The following TMEM132C variants were observed in gnomAD, a reference collection of about 807,000 sequenced individuals.
TMEM132C encodes protein phosphatase 1, regulatory subunit 152.
A neutral mutation model predicts 61.4 loss-of-function variants in TMEM132C; 29 were observed. That is an observed-to-expected ratio of 0.47 (90% CI 0.35 to 0.64). TMEM132C has a LOEUF of 0.64. Ranked by LOEUF, TMEM132C falls within the 30% of genes least tolerant of loss-of-function variation. The probability of loss-of-function intolerance (pLI) is 0.00; values close to 1 mark genes in which losing one functional copy is unlikely to be tolerated. For synonymous variants in TMEM132C, 656 were observed against 633.1 expected (o/e 1.04, Z -0.54); for missense variants, 1,408 against 1,476.9 (o/e 0.95, Z 0.76).
intron 1 of TMEM132C, among the ~76,000 whole-genome samples, chr12:128,286,212 C>T (rs1871066184): frequency 6.6e-6 from 1 of 152,158 alleles, no homozygotes; most frequent in Non-Finnish European, 1.5e-5. Context: ...TCTGAGAGCT[C>T]CTGGACTTCA....
intron 3 of TMEM132C, among the ~76,000 whole-genome samples, chr12:128,565,615 C>T (rs1874667869): frequency 6.6e-6 from 1 of 152,044 alleles, no homozygotes; most frequent in Non-Finnish European, 1.5e-5. Context: ...TCACAATAAA[C>T]CTTTGAGAGC....
intron 1 of TMEM132C, among the ~76,000 whole-genome samples, chr12:128,324,022 A>C (rs1423298953): frequency 6.6e-6 from 1 of 152,228 alleles, no homozygotes; most frequent in African/African-American, 2.4e-5. Context: ...ATAAAGGGAC[A>C]GATCTCAGTA....
rs142810498 is a variant in TMEM132C at position 128,499,583 on chromosome 12, C to T, written c.975-44374C>T. Among the ~76,000 whole-genome samples the T allele has an allele frequency of 6.6e-4, 100 of 152,306 alleles. 1 individual carries two copies. The highest frequency in any genetic ancestry group is 2.2e-3 in the African/African-American group (93 of 41,570). ...TTAGCCTCTGACAACCATCGTTCTA[C>T]TCTCTGTCTCTGTAAGTTCATTTTT... is the stretch of plus-strand genomic sequence containing the variant. On this transcript the variant is annotated intron_variant, in intron 2 of 8. Transcript: ENST00000435159.
Position 128,311,303 on chromosome 12 carries a change from C to T in TMEM132C, c.85+43816C>T, listed in dbSNP as rs528412888. On this transcript the variant is annotated intron_variant, in intron 1 of 8. Coordinates refer to ENST00000435159, the MANE Select transcript of TMEM132C (RefSeq NM_001136103.3). Reference sequence around the variant, plus strand: ...AGCTAAGCTGGATCCGAAGGTTGCACGCAGCCTCGCCTCACTTCTGTGACC... The same window carrying T: ...AGCTAAGCTGGATCCGAAGGTTGCATGCAGCCTCGCCTCACTTCTGTGACC... 7.9e-5 allele frequency among the ~76,000 whole-genome samples: 12 copies of T among 152,312 alleles called. No individual in the cohort carries two copies. The South Asian group carries it at 2.5e-3, about 32-fold the overall frequency.
In TMEM132C at chr12:128,570,541, C is replaced by CA. The variant is rs1035537542; in HGVS notation, c.1121+26439dup. ...ACTAGATTGCAGAGGCCTAACGAAA[C>CA]ACGGCTTTTTTTTTTCCTTTGACTC... On this transcript the variant is annotated intron_variant, in intron 3 of 8. Coordinates refer to ENST00000435159, the MANE Select transcript of TMEM132C (RefSeq NM_001136103.3). This position sits in a 1 kb window ranked among gnomAD's most constrained non-coding sequence, Gnocchi z 4.7. Among the ~76,000 whole-genome samples, 25 of 152,242 alleles carry CA rather than the reference C, an allele frequency of 1.6e-4. No individual in the cohort carries two copies. Among genetic ancestry groups the CA allele is most frequent in the African/African-American group, 5.8e-4 (24 of 41,542 alleles).
intron 1 of TMEM132C, among the ~76,000 whole-genome samples, chr12:128,329,448 G>A (rs1011636794): frequency 1.3e-5 from 2 of 152,182 alleles, no homozygotes; most frequent in African/African-American, 4.8e-5. Flanking sequence ...GGTAAAGGTG[G>A]TTTGGCGGAA....
intron 3 of TMEM132C, among the ~76,000 whole-genome samples, chr12:128,608,528 T>C (rs1236803898): frequency 6.6e-6 from 1 of 152,106 alleles, no homozygotes; most frequent in Non-Finnish European, 1.5e-5. Context: ...ATGTGTTCAG[T>C]TCAGAACCCA....
intron 3 of TMEM132C, among the ~76,000 whole-genome samples, chr12:128,549,087 AG>A (rs1461809562): frequency 3.3e-5 from 5 of 152,118 alleles, no homozygotes; most frequent in Non-Finnish European, 7.4e-5. Context: ...GGACCTGCTA[AG>A]GGGAAGCTCA....
intron 1 of TMEM132C, among the ~76,000 whole-genome samples, chr12:128,292,258 A>G (rs1257643083): frequency 6.6e-6 from 1 of 152,188 alleles, no homozygotes; most frequent in Non-Finnish European, 1.5e-5. Flanking sequence ...AATCGTGGTC[A>G]AACAGAATGA....
intron 2 of TMEM132C, among the ~76,000 whole-genome samples, chr12:128,466,089 A>G (rs559753439): frequency 6.6e-6 from 1 of 152,340 alleles, no homozygotes; most frequent in Admixed American, 6.5e-5. Context: ...AAATAAAGAC[A>G]GAACAGGGTG....
At chr12:128,337,616 A>G (rs978294914) in intron 1 of TMEM132C, among the ~76,000 whole-genome samples, 19 of 152,202 alleles carry the variant, frequency 1.2e-4, no homozygotes, top group Non-Finnish European at 2.5e-4. Context: ...ACCAGTTCTG[A>G]AAGTACAAAT....
At chr12:128,469,255 C>T (rs1030625042) in intron 2 of TMEM132C, among the ~76,000 whole-genome samples, 4 of 151,662 alleles carry the variant, frequency 2.6e-5, no homozygotes, top group African/African-American at 9.7e-5. Context: ...TGATCATGCA[C>T]AGAGACACAT....
intron 1 of TMEM132C, among the ~76,000 whole-genome samples, chr12:128,404,221 C>A (rs986683138): frequency 6.6e-6 from 1 of 152,130 alleles, no homozygotes; most frequent in Non-Finnish European, 1.5e-5. Flanking sequence ...TTATTTTTAT[C>A]CAATTCAAGA....
chr12:128,578,822 TC>T (rs1331832189), intron 3 of TMEM132C, among the ~76,000 whole-genome samples: 4 of 152,160 alleles, frequency 2.6e-5, no homozygotes, highest in Non-Finnish European at 5.9e-5. Flanking sequence ...GGTCTTGAAC[TC>T]CTGACTTCAA....
intron 2 of TMEM132C, among the ~76,000 whole-genome samples, chr12:128,542,243 C>T (rs548896957): frequency 4.6e-5 from 7 of 152,292 alleles, no homozygotes; most frequent in African/African-American, 1.7e-4. Context: ...TTTCCAGTTT[C>T]CCAAATCTGT....
chr12:128,373,463 C>G (rs1192040687), intron 1 of TMEM132C, among the ~76,000 whole-genome samples: 1 of 152,162 alleles, frequency 6.6e-6, no homozygotes, highest in African/African-American at 2.4e-5. Context: ...TTCAACAAAA[C>G]CAAGTTCACT....
intron 3 of TMEM132C, among the ~76,000 whole-genome samples, chr12:128,604,656 G>C (rs963231235): frequency 1.3e-5 from 2 of 152,064 alleles, no homozygotes; most frequent in Admixed American, 1.3e-4. Flanking sequence ...ATAGACAGAT[G>C]AAACAAATGG....
intron 2 of TMEM132C, among the ~76,000 whole-genome samples, chr12:128,512,515 C>A (rs940522047): frequency 4.6e-5 from 7 of 152,086 alleles, no homozygotes; most frequent in Non-Finnish European, 7.4e-5. Context: ...GGCAAGAGAA[C>A]CTGGGTGTTT....
At chr12:128,279,606 C>G (rs1362428388) in intron 1 of TMEM132C, among the ~76,000 whole-genome samples, 1 of 152,078 alleles carries the variant, frequency 6.6e-6, no homozygotes, top group Non-Finnish European at 1.5e-5. Context: ...GCTCACCACC[C>G]CAGATAGGCT....
Sources: allele counts gnomAD v4.1 joint callset (sites outside exome capture counted in the v4.1 genomes callset), GRCh38; gene constraint gnomAD v4.1.1; non-coding constraint Gnocchi (gnomAD v3.1); transcripts MANE v1.5; gene names NCBI Gene and HGNC (gene_info 2026-07-23, HGNC 2026-07-21).